Variants in PTPRN2 observed in about 807,000 individuals in gnomAD.
The protein encoded by PTPRN2 is receptor-type tyrosine-protein phosphatase N2.
Under a neutral mutation model 118.8 loss-of-function variants are expected in PTPRN2, and 74 were observed. That is an observed-to-expected ratio of 0.62 (90% CI 0.52 to 0.76). The LOEUF is 0.76. Ranked by LOEUF, PTPRN2 falls within the 30% of genes least tolerant of loss-of-function variation. PTPRN2 has a pLI of 0.00. For missense variants in PTPRN2, 1,481 were observed against 1,394.4 expected (o/e 1.06, Z -0.99); for synonymous variants, 641 against 608.0 (o/e 1.05, Z -0.80).
chr7:158,166,889 G>A (rs1457204681), intron 6 of PTPRN2, 42 bp downstream of exon 6: 4 of 1,420,496 alleles, frequency 2.8e-6, no homozygotes, highest in South Asian at 1.6e-5. Flanking sequence ...GCTGGACAGA[G>A]GACAGTCAGC....
intron 12 of PTPRN2, among the ~76,000 whole-genome samples, chr7:157,841,035 G>A (rs540860112): frequency 7.9e-5 from 12 of 152,376 alleles, no homozygotes; most frequent in African/African-American, 2.9e-4. Flanking sequence ...TGGGAGCTCT[G>A]CAGTGCCTTC....
At chr7:158,467,877 GT>G (rs1157738849) in intron 2 of PTPRN2, among the ~76,000 whole-genome samples, 1 of 152,178 alleles carries the variant, frequency 6.6e-6, no homozygotes, top group Non-Finnish European at 1.5e-5. Context: ...CCCTGTTGAT[GT>G]TTCTGTTGCT....
intron 13 of PTPRN2, among the ~76,000 whole-genome samples, chr7:157,680,563 A>G (rs954788154): frequency 6.6e-6 from 1 of 152,246 alleles, no homozygotes; most frequent in Non-Finnish European, 1.5e-5. Flanking sequence ...GTGAACAATC[A>G]TACAGTCCCA....
intron 2 of PTPRN2, among the ~76,000 whole-genome samples, chr7:158,353,011 A>G (rs1290463896): frequency 2.0e-5 from 3 of 152,266 alleles, no homozygotes; most frequent in Non-Finnish European, 4.4e-5. Context: ...TCCTAACAGC[A>G]GGCCAACAGA....
chr7:158,521,615 T>C (rs1824039431), intron 1 of PTPRN2, among the ~76,000 whole-genome samples: 1 of 122,754 alleles, frequency 8.1e-6, no homozygotes, highest in Non-Finnish European at 1.7e-5. Context: ...GTCCAGGTAG[T>C]GGCTCAGGAG....
chr7:158,134,693 G>T (rs1226266896), intron 8 of PTPRN2, among the ~76,000 whole-genome samples: 2 of 152,074 alleles, frequency 1.3e-5, no homozygotes. Context: ...CCTCACACGG[G>T]CTACAGTCTC....
In PTPRN2 at chr7:157,585,539, C is replaced by G. The variant is rs1045032007; in HGVS notation, c.2497-7399G>C. 2.6e-5 allele frequency among the ~76,000 whole-genome samples: 4 copies of G among 152,312 alleles called. No individual in the cohort carries two copies. Among genetic ancestry groups the G allele is most frequent in the Non-Finnish European group, 5.9e-5 (4 of 68,036 alleles). On this transcript the variant is annotated intron_variant, in intron 17 of 22. Transcript: ENST00000389418. The surrounding 1 kb of genome is among the most constrained non-coding windows in gnomAD (Gnocchi z 5.2). ...TGACCACCGTGGGTGCCTTTGTGAT[C>G]AGGCATTGGACCCGCACAGGAAGTC...
rs148305057 is a variant in PTPRN2, at chr7:157,899,482, T to C, written c.1724-745A>G. On this transcript the variant is annotated intron_variant, in intron 11 of 22. Coordinates refer to ENST00000389418, the MANE Select transcript of PTPRN2 (RefSeq NM_002847.5). ...CTTGGCTTACGACTCTGTGGAAATA[T>C]GCGTTTGCATAAAGCCCTTGTCACT... Among the ~76,000 whole-genome samples the C allele has an allele frequency of 7.1e-3, 1,084 of 152,330 alleles. 15 individuals carry two copies. Among genetic ancestry groups the C allele is most frequent in the African/African-American group, 0.025 (1,035 of 41,580 alleles).
intron 11 of PTPRN2, among the ~76,000 whole-genome samples, chr7:157,982,541 A>G (rs1345704841): frequency 3.4e-5 from 4 of 118,648 alleles, no homozygotes; most frequent in Non-Finnish European, 5.2e-5. Context: ...CGAGGAGGGG[A>G]ATGCAGAGTG....
chr7:157,826,703 G>A (rs549893397), intron 12 of PTPRN2, among the ~76,000 whole-genome samples: 31 of 152,296 alleles, frequency 2.0e-4, no homozygotes, highest in African/African-American at 6.3e-4. Flanking sequence ...TAATCTCAGC[G>A]GAGCCTGGCG....
At chr7:158,065,654 C>T (rs115138891) in intron 11 of PTPRN2, among the ~76,000 whole-genome samples, 2,510 of 152,208 alleles carry the variant, frequency 0.016, 77 homozygotes, top group African/African-American at 0.057. Flanking sequence ...TCACAACCAG[C>T]GGATAATGAG....
chr7:158,140,618 A>C (rs541932910), intron 6 of PTPRN2, among the ~76,000 whole-genome samples: 2 of 152,316 alleles, frequency 1.3e-5, no homozygotes, highest in African/African-American at 2.4e-5. Context: ...TTAACAGAAG[A>C]TGAAGTTCAA....
intron 6 of PTPRN2, among the ~76,000 whole-genome samples, chr7:158,145,087 T>A (rs1819786919): frequency 6.7e-6 from 1 of 149,238 alleles, no homozygotes; most frequent in East Asian, 2.0e-4. Context: ...GGTTCCAGAA[T>A]ACCACGGCTC....
At chr7:158,386,675 C>A (rs747485624) in intron 2 of PTPRN2, among the ~76,000 whole-genome samples, 3 of 152,156 alleles carry the variant, frequency 2.0e-5, no homozygotes, top group Non-Finnish European at 4.4e-5. Flanking sequence ...CCTTCAATCC[C>A]CAATCTTATC....
intron 3 of PTPRN2, among the ~76,000 whole-genome samples, chr7:158,310,646 G>A (rs548768385): frequency 2.7e-4 from 41 of 152,130 alleles, no homozygotes; most frequent in Middle Eastern, 6.8e-3. Context: ...CAGACAGAGC[G>A]CAAATCCCAC....
Position 157,857,073 on chromosome 7 carries a change from G to A in PTPRN2, c.1788+41600C>T, listed in dbSNP as rs560836137. ...GGCGCCATGAGTGGGAGTCACAGCC[G>A]GGGCCACAGCACGAGGGCATGGCCA... On this transcript the variant is annotated intron_variant, in intron 12 of 22. Transcript: ENST00000389418. Among the ~76,000 whole-genome samples the A allele has an allele frequency of 3.3e-3, 507 of 151,662 alleles. 2 individuals are homozygous for A. The highest frequency in any genetic ancestry group is 0.012 in the African/African-American group (490 of 41,298).
chr7:157,545,661 C>T (rs1345067036), intron 22 of PTPRN2, among the ~76,000 whole-genome samples: 2 of 151,976 alleles, frequency 1.3e-5, no homozygotes, highest in East Asian at 3.9e-4. Flanking sequence ...CTCAGGTGGG[C>T]GCTGGTGAAA....
At chr7:158,358,294 GC>G (rs1168038813) in intron 2 of PTPRN2, among the ~76,000 whole-genome samples, 1 of 152,164 alleles carries the variant, frequency 6.6e-6, no homozygotes, top group Non-Finnish European at 1.5e-5. Context: ...CCTCTTTCCT[GC>G]CCTCAGCTTC....
chr7:157,941,298 C>G (rs539833896), intron 11 of PTPRN2, among the ~76,000 whole-genome samples: 1 of 98,592 alleles, frequency 1.0e-5, no homozygotes, highest in Non-Finnish European at 1.8e-5. Flanking sequence ...TAACACTCTC[C>G]CCTGTGACAC....
Sources: gnomAD v4.1 joint callset for allele counts (sites outside exome capture counted in the v4.1 genomes callset) on GRCh38, gnomAD v4.1.1 for gene constraint, Gnocchi (gnomAD v3.1) non-coding constraint, MANE v1.5 for transcripts, NCBI Gene and HGNC (gene_info 2026-07-23, HGNC 2026-07-21) for gene names.